The following XPA variants were observed in gnomAD, a reference collection of about 807,000 sequenced individuals.
XPA encodes DNA repair protein complementing XP-A cells.
Under a neutral mutation model 35.7 loss-of-function variants are expected in XPA, and 27 were observed. The observed-to-expected ratio is 0.76, with a 90% CI of 0.56 to 1.04. XPA has a LOEUF of 1.04. Among genes scored for constraint, XPA ranks in the 50% least tolerant of loss-of-function variants. The pLI, the probability that XPA is intolerant of heterozygous loss-of-function variation, is 0.00. For synonymous variants in XPA, 133 were observed against 118.4 expected (o/e 1.12, Z -0.80); for missense variants, 354 against 342.7 (o/e 1.03, Z -0.26).
the XPA span, among the ~76,000 whole-genome samples, chr9:97,656,503 A>G: frequency 2.0e-5 from 3 of 152,168 alleles, no homozygotes; most frequent in Non-Finnish European, 4.4e-5. Context: ...TTGAGCCAAG[A>G]TGGCGCCACT....
chr9:97,691,171 A>G (rs1828875802), intron 2 of XPA, among the ~76,000 whole-genome samples: 1 of 152,218 alleles, frequency 6.6e-6, no homozygotes, highest in Admixed American at 6.5e-5. Context: ...CCAAATGGAA[A>G]AAAATTTTGT....
intron 2 of XPA, among the ~76,000 whole-genome samples, chr9:97,690,012 G>A (rs1828838293): frequency 5.9e-5 from 9 of 152,184 alleles, no homozygotes; most frequent in Admixed American, 5.9e-4. Context: ...AAATCAAGGT[G>A]TTGGCAGGGC....
chr9:97,697,219 C>T lies in XPA; in HGVS notation c.74G>A (p.Arg25Gln), dbSNP rs1033405989. The change falls in exon 1 of 6, where the codon CGG (arginine) becomes CAG (glutamine). Residue 25 changes from arginine (R) to glutamine (Q), a missense_variant. Transcript: ENST00000375128. ...CTGCCGCTTCCGCTCGATACTCGCC[C>T]GCACCGAGGCAGGCAGCTCCGCGGG... is the stretch of plus-strand genomic sequence containing the variant. ...EQPAELPASVRASIERKRQRA... is the reference protein window; with the variant it reads ...EQPAELPASVQASIERKRQRA... The T allele has an allele frequency of 3.1e-6, 5 of 1,601,192 alleles. No individual in the cohort carries two copies. The highest frequency in any genetic ancestry group is 3.3e-5 in the Admixed American group (2 of 59,894).
At chr9:97,660,940 G>A in the XPA span, 2 of 1,607,638 alleles carry the variant, frequency 1.2e-6, no homozygotes, top group African/African-American at 1.3e-5. Context: ...CCAATTCTGT[G>A]TTTAGATTCT....
At chr9:97,669,771 A>C in the XPA span, 1 of 1,206,314 alleles carries the variant, frequency 8.3e-7, no homozygotes, top group Non-Finnish European at 1.2e-6. Flanking sequence ...TCATTAAAAA[A>C]AATCCTTGTC....
chr9:97,666,131 C>A, the XPA span, among the ~76,000 whole-genome samples: 1 of 152,140 alleles, frequency 6.6e-6, no homozygotes, highest in Non-Finnish European at 1.5e-5. Context: ...TTTATAGACA[C>A]AAAAGTAGCT....
rs1828659759 is a variant in XPA, at chr9:97,684,809, C to T, written c.673+114G>A. ...CAAACTGTAAGTCATTTTTTTCAAC[C>T]TCTAAAAAACACATTCCAATCTATT... On this transcript the variant is annotated intron_variant, in intron 5 of 5. Coordinates refer to ENST00000375128, the MANE Select transcript of XPA (RefSeq NM_000380.4). The T allele has an allele frequency of 2.3e-5, 23 of 980,794 alleles. No individual in the cohort carries two copies. In the South Asian group the frequency reaches 3.1e-4, roughly 13 times the overall value. 60.8% of individuals were successfully genotyped at this position (980,794 alleles called of 1,614,324 possible). A position where few individuals can be genotyped will look rare whatever the true frequency, so the allele number is the denominator to read the frequency against.
At chr9:97,693,785 A>G (rs1828962924) in intron 1 of XPA, 26 bp from the exon 2 acceptor site, 2 of 1,602,950 alleles carry the variant, frequency 1.2e-6, no homozygotes, top group African/African-American at 2.7e-5. Flanking sequence ...AAAGCAGTCA[A>G]CAATTGAAGT....
intron 5 of XPA, among the ~76,000 whole-genome samples, chr9:97,680,057 A>T (rs1828489959): frequency 6.6e-6 from 1 of 152,226 alleles, no homozygotes; most frequent in Non-Finnish European, 1.5e-5. Context: ...ATCAATATGC[A>T]TCATCCTTGA....
the XPA span, chr9:97,662,234 A>G: frequency 1.0e-6 from 1 of 966,666 alleles, no homozygotes; most frequent in Non-Finnish European, 1.6e-6. Context: ...AGATTGTTGA[A>G]TATGAAGATC....
chr9:97,658,153 C>T, the XPA span, among the ~76,000 whole-genome samples: 1 of 151,176 alleles, frequency 6.6e-6, no homozygotes, highest in African/African-American at 2.5e-5. Context: ...GGTTCTAAGC[C>T]TCTTGGTGGA....
the XPA span, among the ~76,000 whole-genome samples, chr9:97,661,725 C>A: frequency 7.7e-6 from 1 of 130,454 alleles, no homozygotes. Context: ...AAGACATAAG[C>A]TTAAGTGTTT....
At chr9:97,689,791 AAAAATT>A in intron 2 of XPA, 152 bp from the exon 3 acceptor site, 2 of 550,314 alleles carry the variant, frequency 3.6e-6, no homozygotes, top group South Asian at 2.8e-5. Context: ...ATCTAAAAAA[AAAAATT>A]AAAGAGGAAA....
intron 2 of XPA, among the ~76,000 whole-genome samples, chr9:97,691,405 T>C (rs1828883502): frequency 6.6e-6 from 1 of 152,184 alleles, no homozygotes; most frequent in Non-Finnish European, 1.5e-5. Flanking sequence ...AGCAAGTCTT[T>C]AAATTTTACT....
intron 5 of XPA, among the ~76,000 whole-genome samples, chr9:97,678,807 A>G (rs1361267297): frequency 1.3e-5 from 2 of 152,210 alleles, no homozygotes; most frequent in Non-Finnish European, 2.9e-5. Context: ...GGAGAAAAGC[A>G]CATCACTTAC....
rs1400628869 is a variant in XPA at position 97,675,216 on chromosome 9, G to GCAAT, written c.*219_*222dup. On this transcript the variant is annotated 3_prime_UTR_variant, in exon 6 of 6. Coordinates refer to ENST00000375128, the MANE Select transcript of XPA (RefSeq NM_000380.4). ...CAGCTCCCATCTCTGTTGTAAGAAG[G>GCAAT]CAATCACAGACATGACATTGTGCAC... 1.5e-6 allele frequency: 1 copy of GCAAT among 649,632 alleles called. No homozygotes were observed. The highest frequency in any genetic ancestry group is 2.8e-6 in the Non-Finnish European group (1 of 356,150). The allele number at this position is 649,632 out of a possible 1,614,324, so 40.2% of individuals were successfully genotyped here. A position where few individuals can be genotyped will look rare whatever the true frequency, so the allele number is the denominator to read the frequency against.
downstream of XPA, chr9:97,673,172 T>G (rs1049802288): frequency 6.6e-6 from 1 of 152,162 alleles, no homozygotes; most frequent in Admixed American, 6.5e-5. Flanking sequence ...AAAATGAGTT[T>G]ATCAACTGTT....
At chr9:97,664,244 C>A in the XPA span, 2 of 693,212 alleles carry the variant, frequency 2.9e-6, no homozygotes, top group Non-Finnish European at 4.7e-6. Context: ...AATTTTATAG[C>A]CCTCCTATTT....
chr9:97,675,153 T>C lies in XPA; in HGVS notation c.*286A>G, dbSNP rs1426322513. 3.5e-6 allele frequency: 2 copies of C among 574,436 alleles called. No individual in the cohort carries two copies. Among genetic ancestry groups the C allele is most frequent in the African/African-American group, 3.6e-5 (2 of 55,128 alleles). 35.6% of individuals were successfully genotyped at this position (574,436 alleles called of 1,614,324 possible). ...TGCCTTGGTATCTTGTCCTCAAATT[T>C]GTAGCTGACCTACCACTTCTGCACC... On this transcript the variant is annotated 3_prime_UTR_variant, in exon 6 of 6. Transcript: ENST00000375128.
Sources: gnomAD v4.1 joint callset for allele counts (sites outside exome capture counted in the v4.1 genomes callset) on GRCh38, gnomAD v4.1.1 for gene constraint, MANE v1.5 for transcripts, NCBI Gene and HGNC (gene_info 2026-07-23, HGNC 2026-07-21) for gene names.